Variants in KIF26B observed in about 807,000 individuals in gnomAD.
KIF26B encodes kinesin-like protein KIF26B.
Under a neutral mutation model 151.2 loss-of-function variants are expected in KIF26B, and 63 were observed. That is an observed-to-expected ratio of 0.42 (90% CI 0.34 to 0.51). The LOEUF is 0.51. Among genes scored for constraint, KIF26B ranks in the 20% least tolerant of loss-of-function variants. The pLI is 0.07. For synonymous variants in KIF26B, 1,357 were observed against 1,262.1 expected, an observed-to-expected ratio of 1.08 and a Z score of -1.59; for missense variants, 2,813 against 2,913.6, an observed-to-expected ratio of 0.97 and a Z score of 0.79.
chr1:245,462,875 T>C (rs1256324611), intron 4 of KIF26B, among the ~76,000 whole-genome samples: 1 of 151,864 alleles, frequency 6.6e-6, no homozygotes, highest in Non-Finnish European at 1.5e-5. Context: ...AATGAATGAA[T>C]GAATGAATAA....
chr1:245,638,705 A>G (rs771613763), intron 9 of KIF26B, among the ~76,000 whole-genome samples: 9 of 151,856 alleles, frequency 5.9e-5, no homozygotes, highest in Non-Finnish European at 1.2e-4. Flanking sequence ...GGGATATTGA[A>G]TTTTACTGAC....
At chr1:245,192,004 A>G (rs983605740) in intron 2 of KIF26B, among the ~76,000 whole-genome samples, 5 of 152,346 alleles carry the variant, frequency 3.3e-5, no homozygotes, top group African/African-American at 1.2e-4. Flanking sequence ...CCTTAAAATT[A>G]TTCTTACTCC....
intron 2 of KIF26B, among the ~76,000 whole-genome samples, chr1:245,163,619 A>G (rs1355484978): frequency 2.0e-5 from 3 of 151,720 alleles, no homozygotes; most frequent in South Asian, 2.1e-4. Flanking sequence ...TGGCATCTTT[A>G]TGGTGTTGAA....
intron 5 of KIF26B, among the ~76,000 whole-genome samples, chr1:245,596,358 G>A (rs186869207): frequency 3.6e-4 from 55 of 152,278 alleles, no homozygotes; most frequent in African/African-American, 1.2e-3. Flanking sequence ...GGTATGTTGT[G>A]TCTTTGTGCT....
intron 4 of KIF26B, among the ~76,000 whole-genome samples, chr1:245,487,446 T>C (rs6428925): frequency 0.9 from 137,518 of 152,228 alleles, 63,184 homozygotes; most frequent in Non-Finnish European, 0.98. Context: ...CCTGGAAAAG[T>C]GCAAGACCTT....
intron 10 of KIF26B, among the ~76,000 whole-genome samples, chr1:245,662,033 A>T (rs2044149144): frequency 6.7e-6 from 1 of 149,272 alleles, no homozygotes; most frequent in African/African-American, 2.5e-5. Flanking sequence ...TATATATATT[A>T]CACACACCCT....
chr1:245,390,460 C>T (rs1673659215), intron 3 of KIF26B, among the ~76,000 whole-genome samples: 1 of 152,066 alleles, frequency 6.6e-6, no homozygotes, highest in Non-Finnish European at 1.5e-5. Flanking sequence ...GCCTCAGCCT[C>T]CCAAAGTGCT....
At chr1:245,230,878 A>C (rs1294980896) in intron 2 of KIF26B, among the ~76,000 whole-genome samples, 1 of 152,202 alleles carries the variant, frequency 6.6e-6, no homozygotes, top group East Asian at 1.9e-4. Flanking sequence ...AAGCATTTAA[A>C]GAAATGAAAG....
chr1:245,262,730 C>G (rs897010689), intron 2 of KIF26B, among the ~76,000 whole-genome samples: 1 of 152,310 alleles, frequency 6.6e-6, no homozygotes, highest in Non-Finnish European at 1.5e-5. Flanking sequence ...GCTGGGATTA[C>G]AGGCGTGAGC....
In KIF26B at chr1:245,687,237, C is replaced by T. The variant is rs148257107; in HGVS notation, c.4254C>T (p.Pro1418=). Residue 1418 remains proline, a synonymous_variant, in exon 12 of 15, where the codon CCC becomes CCT. Coordinates refer to ENST00000407071, the MANE Select transcript of KIF26B (RefSeq NM_018012.4). The surrounding 1 kb of genome is among the most constrained non-coding windows in gnomAD (Gnocchi z 4.9). ...EAPTATPKAG[P]TLAQSRESKE... ...CCACCGCCACCCCCAAAGCAGGCCC[C>T]ACATTAGCCCAGTCCCGGGAGAGTA... is the stretch of plus-strand genomic sequence containing the variant. 9.9e-6 allele frequency: 16 copies of T among 1,612,864 alleles called. No individual in the cohort carries two copies. The East Asian group carries it at 3.6e-4, about 36-fold the overall frequency.
intron 2 of KIF26B, among the ~76,000 whole-genome samples, chr1:245,178,413 C>T (rs1558335420): frequency 6.6e-6 from 1 of 152,030 alleles, no homozygotes; most frequent in East Asian, 1.9e-4. Flanking sequence ...GCTGTCTCTT[C>T]AGTCGTCAGT....
intron 9 of KIF26B, among the ~76,000 whole-genome samples, chr1:245,615,966 GA>G (rs1303946456): frequency 6.6e-6 from 1 of 152,200 alleles, no homozygotes; most frequent in Non-Finnish European, 1.5e-5. Context: ...TCAATTAGGG[GA>G]AAGTTTATTA....
intron 4 of KIF26B, among the ~76,000 whole-genome samples, chr1:245,464,811 C>CA (rs1659742629): frequency 6.6e-6 from 1 of 151,706 alleles, no homozygotes; most frequent in Non-Finnish European, 1.5e-5. Flanking sequence ...TGAAATCTGG[C>CA]AAGTCATGTC....
At position 245,368,247 on chromosome 1, in the gene KIF26B, A is replaced by G. The variant is rs146995937; in HGVS notation, c.999+880A>G. Reference sequence around the variant, plus strand: ...TTATTTAAATTAGAACATGCCCCCAAGTTTCTCCATAGAAATAAAACACAG... The same window carrying G: ...TTATTTAAATTAGAACATGCCCCCAGGTTTCTCCATAGAAATAAAACACAG... On this transcript the variant is annotated intron_variant, in intron 3 of 14. Transcript: ENST00000407071. Among the ~76,000 whole-genome samples, 741 of 152,296 alleles carry G rather than the reference A, an allele frequency of 4.9e-3. 7 individuals carry two copies. Among genetic ancestry groups the G allele is most frequent in the African/African-American group, 0.017 (698 of 41,570 alleles).
chr1:245,414,526 TC>T (rs1674371155), intron 3 of KIF26B, among the ~76,000 whole-genome samples: 1 of 152,064 alleles, frequency 6.6e-6, no homozygotes, highest in South Asian at 2.1e-4. Flanking sequence ...TCAGAAACAG[TC>T]GGAAGTGACC....
intron 2 of KIF26B, among the ~76,000 whole-genome samples, chr1:245,163,759 C>T (rs1326478722): frequency 2.0e-5 from 3 of 152,064 alleles, no homozygotes; most frequent in African/African-American, 7.2e-5. Flanking sequence ...GCTTTTGTTG[C>T]TATTGTAAAT....
intron 2 of KIF26B, among the ~76,000 whole-genome samples, chr1:245,357,180 G>A (rs768627806): frequency 6.6e-6 from 1 of 152,140 alleles, no homozygotes; most frequent in South Asian, 2.1e-4. Context: ...GAAGTGGGGC[G>A]GGGGCCAGGG....
In KIF26B at chr1:245,230,143, A is replaced by AAAACG. The variant is rs751955802; in HGVS notation, c.465+73464_465+73465insGAAAC. Among the ~76,000 whole-genome samples the AAAACG allele has an allele frequency of 7.6e-3, 1,113 of 145,516 alleles. 4 individuals are homozygous for AAAACG. The highest frequency in any genetic ancestry group is 0.013 in the Non-Finnish European group (857 of 67,280). On this transcript the variant is annotated intron_variant, in intron 2 of 14. Coordinates refer to ENST00000407071, the MANE Select transcript of KIF26B (RefSeq NM_018012.4). ...GCGAGACTCCATCTAAAAACAAAACAAAACAAAAAGCAAAAAAAAAAAAAC... is the reference window on the plus strand; with the variant it reads ...GCGAGACTCCATCTAAAAACAAAACAAAACGAAACAAAAAGCAAAAAAAAAAAAAC...
intron 9 of KIF26B, among the ~76,000 whole-genome samples, chr1:245,630,156 C>T (rs10924265): frequency 0.65 from 97,966 of 150,908 alleles, 31,754 homozygotes; most frequent in East Asian, 0.78. Flanking sequence ...AGTTCAACTT[C>T]TGTGGAAGAC....
Sources: gnomAD v4.1 joint callset for allele counts (sites outside exome capture counted in the v4.1 genomes callset) on GRCh38, gnomAD v4.1.1 for gene constraint, Gnocchi (gnomAD v3.1) non-coding constraint, MANE v1.5 for transcripts, NCBI Gene and HGNC (gene_info 2026-07-23, HGNC 2026-07-21) for gene names.